Variants in RARS2 observed in about 807,000 individuals in gnomAD.
RARS2 encodes arginyl-tRNA synthetase 2, mitochondrial, also known as probable arginine--tRNA ligase, mitochondrial.
A neutral mutation model predicts 88.5 loss-of-function variants in RARS2; 67 were observed. That is an observed-to-expected ratio of 0.76 (90% CI 0.62 to 0.93). The LOEUF (loss-of-function observed/expected upper bound fraction) is 0.93. Ranked by LOEUF, RARS2 falls within the 40% of genes least tolerant of loss-of-function variation. The probability of loss-of-function intolerance (pLI) is 0.00; values close to 1 mark genes in which losing one functional copy is unlikely to be tolerated. For missense variants in RARS2, 664 were observed against 684.2 expected (o/e 0.97, Z 0.33); for synonymous variants, 239 against 230.3 (o/e 1.04, Z -0.34).
intron 8 of RARS2, among the ~76,000 whole-genome samples, chr6:87,532,814 G>A (rs1777935148): frequency 6.6e-6 from 1 of 152,116 alleles, no homozygotes; most frequent in South Asian, 2.1e-4. Flanking sequence ...AGTCCTATTA[G>A]TAAGTCCAGA....
intron 7 of RARS2, among the ~76,000 whole-genome samples, chr6:87,545,280 C>T (rs1053555425): frequency 3.3e-5 from 5 of 152,122 alleles, no homozygotes; most frequent in Non-Finnish European, 5.9e-5. Flanking sequence ...GACAGGATTT[C>T]GCCATGTTGC....
At chr6:87,542,392 A>T (rs2128107924) in intron 7 of RARS2, among the ~76,000 whole-genome samples, 1 of 152,356 alleles carries the variant, frequency 6.6e-6, no homozygotes, top group South Asian at 2.1e-4. Context: ...CTCAAAATTT[A>T]TTAAAAAAAC....
intron 4 of RARS2, among the ~76,000 whole-genome samples, chr6:87,555,774 T>C (rs1785684789): frequency 6.6e-6 from 1 of 152,182 alleles, no homozygotes; most frequent in Non-Finnish European, 1.5e-5. Flanking sequence ...GTAGGTATTT[T>C]ACAGAGAAGG....
rs201804423 is a variant in RARS2 at position 87,578,116 on chromosome 6, C to CT, written c.37-8527_37-8526insA. The stretch of plus-strand genomic sequence containing the variant: ...GGGGCAACATAGCGAGACCCCCCCC[C>CT]CCGCCATCTCTATTTAAAAATAAAA... On this transcript the variant is annotated intron_variant, in intron 1 of 19. Coordinates refer to ENST00000369536, the MANE Select transcript of RARS2 (RefSeq NM_020320.5). Among the ~76,000 whole-genome samples the CT allele has an allele frequency of 2.2e-3, 333 of 149,756 alleles. 3 individuals carry two copies. Among genetic ancestry groups the CT allele is most frequent in the African/African-American group, 8.0e-3 (320 of 39,790 alleles).
intron 8 of RARS2, among the ~76,000 whole-genome samples, chr6:87,539,042 AAATAAATAAATAAATG>A (rs918578643): frequency 2.0e-4 from 30 of 151,780 alleles, no homozygotes; most frequent in Admixed American, 1.2e-3. Context: ...TCACATAAAT[AAATAAATAAATAAATG>A]AATAAATAAA....
intron 2 of RARS2, among the ~76,000 whole-genome samples, chr6:87,566,952 A>C (rs1165744311): frequency 3.3e-5 from 5 of 151,568 alleles, no homozygotes; most frequent in Non-Finnish European, 7.4e-5. Context: ...TAATCCCAGC[A>C]CTTTGGGAGG....
At position 87,516,819 on chromosome 6, in the gene RARS2, G is replaced by C. The variant is rs763044672; in HGVS notation, c.1573C>G (p.Leu525Val). 1.9e-5 allele frequency: 30 copies of C among 1,613,554 alleles called. No homozygotes were observed. The highest frequency in any genetic ancestry group is 2.5e-5 in the Non-Finnish European group (30 of 1,179,778). ...ATTATAAAGTACCTTAAAGTTAGAA[G>C]GTAACTGACGATATGCCTGGGTTGA... ...DFQPRHIVSYLLTLSHLAAVA... is the reference protein window; with the variant it reads ...DFQPRHIVSYVLTLSHLAAVA... Residue 525 changes from leucine to valine, a missense_variant, in exon 18 of 20, where the codon CTT becomes GTT. By Grantham distance (32) the Leu-to-Val change is conservative. Coordinates refer to ENST00000369536, the MANE Select transcript of RARS2 (RefSeq NM_020320.5).
At chr6:87,551,812 TG>T (rs1784426096) in intron 5 of RARS2, among the ~76,000 whole-genome samples, 1 of 151,878 alleles carries the variant, frequency 6.6e-6, no homozygotes, top group Non-Finnish European at 1.5e-5. Flanking sequence ...GTCTCACACT[TG>T]GGAACAGCAG....
intron 1 of RARS2, among the ~76,000 whole-genome samples, chr6:87,587,021 A>G (rs920072570): frequency 6.6e-6 from 1 of 151,766 alleles, no homozygotes; most frequent in African/African-American, 2.4e-5. Context: ...TGATCCTTCC[A>G]CCTCAGCCTC....
At chr6:87,561,581 A>C (rs556468889) in intron 4 of RARS2, among the ~76,000 whole-genome samples, 16 of 152,336 alleles carry the variant, frequency 1.1e-4, no homozygotes, top group South Asian at 2.1e-4. Flanking sequence ...TGACAGCCAA[A>C]TGTAGAATAC....
intron 8 of RARS2, among the ~76,000 whole-genome samples, chr6:87,540,672 C>T (rs16879532): frequency 0.064 from 9,660 of 152,088 alleles, 387 homozygotes; most frequent in African/African-American, 0.12. Flanking sequence ...TTCGTATCCG[C>T]GTTTCCACTG....
At chr6:87,532,410 T>C (rs1424690293) in intron 8 of RARS2, among the ~76,000 whole-genome samples, 1 of 152,240 alleles carries the variant, frequency 6.6e-6, no homozygotes. Context: ...GCTGAACTTC[T>C]GCTTTCCTTC....
At position 87,521,478 on chromosome 6, in the gene RARS2, T is replaced by C; in HGVS notation, c.1021A>G (p.Thr341Ala). The C allele has an allele frequency of 1.2e-6, 2 of 1,609,270 alleles. No individual in the cohort carries two copies. The highest frequency in any genetic ancestry group is 1.7e-6 in the Non-Finnish European group (2 of 1,175,996). ...TGATTACTTACCACATATATCATTG[T>C]ATCAAAATTATACTTGTCCATTCGA... ...IDRMDKYNFDTMIYVTDKGQK... is the reference protein window; with the variant it reads ...IDRMDKYNFDAMIYVTDKGQK... Residue 341 changes from threonine (T) to alanine (A), a missense_variant, in exon 12 of 20, where the codon ACA becomes GCA. Transcript: ENST00000369536.
At chr6:87,550,808 GA>G (rs34971117) in intron 5 of RARS2, among the ~76,000 whole-genome samples, 11,549 of 124,334 alleles carry the variant, frequency 0.093, 452 homozygotes, top group East Asian at 0.12. Context: ...CATTATTTAA[GA>G]AAAAAAAAAA....
At chr6:87,552,950 T>C (rs142212715) in intron 5 of RARS2, among the ~76,000 whole-genome samples, 22 of 152,312 alleles carry the variant, frequency 1.4e-4, no homozygotes, top group Admixed American at 3.3e-4. Context: ...GCCTCCCCAG[T>C]GAAGAAAGCA....
At position 87,514,432 on chromosome 6, in the gene RARS2, G is replaced by A. The variant is rs541516452; in HGVS notation, c.1718C>T (p.Thr573Ile). The change falls in exon 20 of 20, where the codon ACA (threonine) becomes ATA (isoleucine). Residue 573 changes from threonine (T) to isoleucine (I), a missense_variant. Thr to Ile is a moderately conservative substitution (Grantham distance 89, BLOSUM62 -1). Coordinates refer to ENST00000369536, the MANE Select transcript of RARS2 (RefSeq NM_020320.5). Reference protein sequence around the residue: ...LANGMKLLGITPVCRM With the variant: ...LANGMKLLGIIPVCRM ...TGGAAATTACATCCTACATACAGGT[G>A]TTATTCCAAGAAGTTTCATTCCATT... The A allele has an allele frequency of 2.3e-5, 37 of 1,609,118 alleles. No homozygotes were observed. The East Asian group carries it at 7.4e-4, about 32-fold the overall frequency.
intron 5 of RARS2, among the ~76,000 whole-genome samples, chr6:87,554,468 T>C (rs547664705): frequency 1.3e-5 from 2 of 152,016 alleles, no homozygotes; most frequent in Admixed American, 1.3e-4. Flanking sequence ...CTTAAAAAAA[T>C]TTTTTTTGAC....
At chr6:87,579,974 C>T (rs1321293987) in intron 1 of RARS2, among the ~76,000 whole-genome samples, 1 of 151,884 alleles carries the variant, frequency 6.6e-6, no homozygotes, top group South Asian at 2.1e-4. Context: ...CTCTTGACCT[C>T]GTGATCCACC....
chr6:87,537,426 C>A (rs922283497), intron 8 of RARS2, among the ~76,000 whole-genome samples: 3 of 152,194 alleles, frequency 2.0e-5, no homozygotes, highest in African/African-American at 7.2e-5. Flanking sequence ...GTTTCCTCTG[C>A]AGTAAACTAT....
Sources: allele counts gnomAD v4.1 joint callset (sites outside exome capture counted in the v4.1 genomes callset), GRCh38; gene constraint gnomAD v4.1.1; transcripts MANE v1.5; gene names NCBI Gene and HGNC (gene_info 2026-07-23, HGNC 2026-07-21).